The following RAD51B variants were observed in gnomAD, a reference collection of about 807,000 sequenced individuals.
RAD51B encodes DNA repair protein RAD51 homolog 2.
A neutral mutation model predicts 42.2 loss-of-function variants in RAD51B; 38 were observed. The ratio of observed to expected loss-of-function variants is 0.90; its 90% CI spans 0.70 to 1.18. The LOEUF is 1.18. RAD51B is among the 50% of genes most tolerant of loss of function. RAD51B has a pLI of 0.00. For missense variants in RAD51B, 373 were observed against 400.7 expected (o/e 0.93, Z 0.59); for synonymous variants, 154 against 145.2 (o/e 1.06, Z -0.43).
At position 68,299,589 on chromosome 14, in the gene RAD51B, G is replaced by A. The variant is rs114945268; in HGVS notation, c.853+7609G>A. Among the ~76,000 whole-genome samples the A allele has an allele frequency of 5.1e-3, 775 of 152,170 alleles. 6 individuals carry two copies. The highest frequency in any genetic ancestry group is 0.017 in the African/African-American group (709 of 41,518). Reference sequence around the variant, plus strand: ...ATCCATGGATTTTGGTGTCTGCAGCGGGCCCTGGAATTATTCCCCTGCAGA... The same window carrying A: ...ATCCATGGATTTTGGTGTCTGCAGCAGGCCCTGGAATTATTCCCCTGCAGA... On this transcript the variant is annotated intron_variant, in intron 8 of 10. Transcript: ENST00000471583.
At chr14:68,166,391 G>T (rs536560454) in intron 7 of RAD51B, among the ~76,000 whole-genome samples, 1 of 151,878 alleles carries the variant, frequency 6.6e-6, no homozygotes, top group Admixed American at 6.6e-5. Context: ...ATATTTACTA[G>T]TCTTTCCTTT....
Position 68,101,823 on chromosome 14 carries a change from C to G in RAD51B, c.757-190061C>G, listed in dbSNP as rs563602044. ...ACCAGGCAGTGCCCCAGTAGGGACTCTCTGAGGGGGCTCCAACCCGACATT... is the reference window on the plus strand; with the variant it reads ...ACCAGGCAGTGCCCCAGTAGGGACTGTCTGAGGGGGCTCCAACCCGACATT... On this transcript the variant is annotated intron_variant, in intron 7 of 10. Coordinates refer to ENST00000471583, the MANE Select transcript of RAD51B (RefSeq NM_133510.4). 1.4e-4 allele frequency among the ~76,000 whole-genome samples: 21 copies of G among 152,364 alleles called. No individual in the cohort carries two copies. The South Asian group carries it at 4.3e-3, about 32-fold the overall frequency.
intron 7 of RAD51B, among the ~76,000 whole-genome samples, chr14:68,114,598 TAA>T (rs1489151548): frequency 1.3e-5 from 2 of 152,168 alleles, no homozygotes; most frequent in African/African-American, 4.8e-5. Flanking sequence ...CTCATTGTGA[TAA>T]GTTTCTTATT....
intron 7 of RAD51B, among the ~76,000 whole-genome samples, chr14:67,917,818 CTA>C (rs148341375): frequency 0.016 from 2,335 of 150,112 alleles, 29 homozygotes; most frequent in Non-Finnish European, 0.024. Context: ...GAGTTCAGTA[CTA>C]TATATATATA....
At chr14:67,866,453 T>G (rs1350684682) in intron 5 of RAD51B, among the ~76,000 whole-genome samples, 1 of 152,240 alleles carries the variant, frequency 6.6e-6, no homozygotes, top group Non-Finnish European at 1.5e-5. Flanking sequence ...AAATAGCTAA[T>G]GTTCAAATAG....
chr14:68,026,378 G>A (rs948471483), intron 7 of RAD51B, among the ~76,000 whole-genome samples: 2 of 152,048 alleles, frequency 1.3e-5, no homozygotes, highest in Non-Finnish European at 2.9e-5. Flanking sequence ...GTCTAGTGTC[G>A]AATCTAAGTC....
At position 67,908,152 on chromosome 14, in the gene RAD51B, C is replaced by T. The variant is rs73280494; in HGVS notation, c.756+20948C>T. Among the ~76,000 whole-genome samples, 1,125 of 152,270 alleles carry T rather than the reference C, an allele frequency of 7.4e-3. 13 individuals carry two copies. The highest frequency in any genetic ancestry group is 0.026 in the African/African-American group (1,091 of 41,542). ...GTCAACTTTGAGGATACATAGGAAT[C>T]ACCTGTGGGGCTTGTTAAGATACAG... is the stretch of plus-strand genomic sequence containing the variant. On this transcript the variant is annotated intron_variant, in intron 7 of 10. Coordinates refer to ENST00000471583, the MANE Select transcript of RAD51B (RefSeq NM_133510.4).
chr14:68,656,478 G>C (rs973843357), intron 11 of RAD51B, among the ~76,000 whole-genome samples: 1 of 152,096 alleles, frequency 6.6e-6, no homozygotes, highest in Non-Finnish European at 1.5e-5. Flanking sequence ...ATCAGAACAG[G>C]GAGGCTGCTG....
At chr14:68,060,723 C>T (rs529705162) in intron 7 of RAD51B, among the ~76,000 whole-genome samples, 68 of 152,182 alleles carry the variant, frequency 4.5e-4, no homozygotes, top group African/African-American at 1.5e-3. Context: ...CTTATGGTAA[C>T]GTAATAGGGG....
chr14:68,315,435 A>T (rs1193725073), intron 8 of RAD51B, among the ~76,000 whole-genome samples: 1 of 152,224 alleles, frequency 6.6e-6, no homozygotes, highest in Non-Finnish European at 1.5e-5. Flanking sequence ...AAAAACAACA[A>T]CATCATCATC....
intron 10 of RAD51B, among the ~76,000 whole-genome samples, chr14:68,631,541 A>G (rs1352183604): frequency 2.0e-5 from 3 of 152,186 alleles, no homozygotes; most frequent in South Asian, 2.1e-4. Flanking sequence ...ACTTGACTCA[A>G]GAGAGGCCCT....
At chr14:68,237,935 G>A (rs975690471) in intron 7 of RAD51B, among the ~76,000 whole-genome samples, 5 of 151,918 alleles carry the variant, frequency 3.3e-5, no homozygotes, top group South Asian at 2.1e-4. Flanking sequence ...GTGTTTCACC[G>A]TGTTGGCCAA....
Position 68,562,097 on chromosome 14 carries a change from T to C in RAD51B, c.1037-32388T>C, listed in dbSNP as rs17105839. On this transcript the variant is annotated intron_variant, in intron 10 of 10. Transcript: ENST00000487270. Reference sequence around the variant, plus strand: ...AGTCCATAACTGTCCTAGAAAGCTTTTGGTTTGTCCTTTTTCTCCCTGTGA... The same window carrying C: ...AGTCCATAACTGTCCTAGAAAGCTTCTGGTTTGTCCTTTTTCTCCCTGTGA... The C allele has an allele frequency of 9.7e-4, 955 of 985,374 alleles. 9 individuals carry two copies. In the African/African-American group the frequency reaches 0.016, roughly 16 times the overall value. The allele number at this position is 985,374 out of a possible 1,614,324, so 61.0% of individuals were successfully genotyped here. A position where few individuals can be genotyped will look rare whatever the true frequency, so the allele number is the denominator to read the frequency against.
intron 7 of RAD51B, among the ~76,000 whole-genome samples, chr14:68,285,640 C>T (rs1033866114): frequency 3.3e-5 from 5 of 152,180 alleles, no homozygotes; most frequent in Non-Finnish European, 7.4e-5. Flanking sequence ...TTTGAAACTT[C>T]CTGATGTGTG....
At chr14:67,825,078 C>CAAAA (rs56227529) in intron 2 of RAD51B, among the ~76,000 whole-genome samples, 24 of 50,552 alleles carry the variant, frequency 4.7e-4, no homozygotes, top group South Asian at 2.7e-3. Context: ...ACTCTTGTCT[C>CAAAA]AAAAAAAAAA....
At chr14:68,646,932 C>T (rs1892574870) in intron 10 of RAD51B, among the ~76,000 whole-genome samples, 1 of 152,134 alleles carries the variant, frequency 6.6e-6, no homozygotes, top group South Asian at 2.1e-4. Flanking sequence ...CTGGGTCTTG[C>T]TATATTAACT....
intron 7 of RAD51B, among the ~76,000 whole-genome samples, chr14:68,255,753 G>A (rs2098894717): frequency 6.6e-6 from 1 of 152,180 alleles, no homozygotes; most frequent in Non-Finnish European, 1.5e-5. Context: ...TTTATACAAT[G>A]TGTATTGCTA....
chr14:67,972,256 C>T (rs1566985889), intron 7 of RAD51B, among the ~76,000 whole-genome samples: 1 of 151,916 alleles, frequency 6.6e-6, no homozygotes, highest in Non-Finnish European at 1.5e-5. Flanking sequence ...GTCTCCTTGA[C>T]ACCAATATTG....
chr14:68,492,367 G>A (rs774024589), intron 10 of RAD51B, among the ~76,000 whole-genome samples: 1 of 152,176 alleles, frequency 6.6e-6, no homozygotes, highest in Non-Finnish European at 1.5e-5. Context: ...GAGGGCAGCC[G>A]TCTTTGATTT....
Sources: allele counts gnomAD v4.1 joint callset (sites outside exome capture counted in the v4.1 genomes callset), GRCh38; gene constraint gnomAD v4.1.1; transcripts MANE v1.5; gene names NCBI Gene and HGNC (gene_info 2026-07-23, HGNC 2026-07-21).